RPTOR: variants seen among roughly 807,000 people sequenced by gnomAD.
The protein encoded by RPTOR is regulatory-associated protein of mTOR.
Under a neutral mutation model 169.9 loss-of-function variants are expected in RPTOR, and 21 were observed. That is an observed-to-expected ratio of 0.12 (90% CI 0.09 to 0.18). RPTOR has a LOEUF of 0.18. Among genes scored for constraint, RPTOR ranks in the 10% least tolerant of loss-of-function variants. The pLI is 1.00. For synonymous variants in RPTOR, 732 were observed against 753.2 expected, an observed-to-expected ratio of 0.97 and a Z score of 0.46; for missense variants, 1,133 against 1,855.9, an observed-to-expected ratio of 0.61 and a Z score of 7.16.
At chr17:80,570,103 A>C in intron 1 of RPTOR, among the ~76,000 whole-genome samples, 1 of 150,630 alleles carries the variant, frequency 6.6e-6, no homozygotes, top group East Asian at 2.0e-4. Context: ...ATGAACTCAG[A>C]CCTCTCTCTC....
chr17:80,775,141 C>A (rs1208762715), intron 6 of RPTOR, among the ~76,000 whole-genome samples: 2 of 152,244 alleles, frequency 1.3e-5, no homozygotes, highest in Non-Finnish European at 2.9e-5. Context: ...ACACCTGTTT[C>A]CTGCAGTGGA....
At position 80,903,034 on chromosome 17, in the gene RPTOR, G is replaced by C. The variant is rs8075013; in HGVS notation, c.2402-5777G>C. Among the ~76,000 whole-genome samples the C allele has an allele frequency of 4.0e-3, 615 of 152,350 alleles. 12 individuals carry two copies. Among genetic ancestry groups the C allele is most frequent in the African/African-American group, 0.014 (598 of 41,586 alleles). On this transcript the variant is annotated intron_variant, in intron 20 of 33. Coordinates refer to ENST00000306801, the MANE Select transcript of RPTOR (RefSeq NM_020761.3). ...TGGGCTAGATGGGACCAGTTTTCAC[G>C]ACTCTGCTAGATACGGTGACATTTT...
chr17:80,766,431 C>T (rs904893477), intron 6 of RPTOR, among the ~76,000 whole-genome samples: 1 of 152,140 alleles, frequency 6.6e-6, no homozygotes, highest in African/African-American at 2.4e-5. Context: ...CTCACTGCAT[C>T]CTTGAACTCC....
intron 10 of RPTOR, among the ~76,000 whole-genome samples, chr17:80,839,783 A>G (rs1337204549): frequency 5.3e-5 from 8 of 152,230 alleles, no homozygotes; most frequent in Non-Finnish European, 1.0e-4. Context: ...GATCAGAATA[A>G]TCTGCTCTTA....
chr17:80,800,686 G>T (rs577405804), intron 7 of RPTOR, among the ~76,000 whole-genome samples: 1 of 152,088 alleles, frequency 6.6e-6, no homozygotes, highest in Non-Finnish European at 1.5e-5. Context: ...AATAAGATCC[G>T]TGCCTGGAAA....
At position 80,591,232 on chromosome 17, in the gene RPTOR, C is replaced by A. The variant is rs1222055053; in HGVS notation, c.163-34459C>A. The stretch of plus-strand genomic sequence containing the variant: ...CTCCCCTCTCCTCCCCTCTCCTCCC[C>A]TCTCCTCCCCTCTCCTCCCCTCTCC... On this transcript the variant is annotated intron_variant, in intron 1 of 33. Coordinates refer to ENST00000306801, the MANE Select transcript of RPTOR (RefSeq NM_020761.3). 7.5e-4 allele frequency among the ~76,000 whole-genome samples: 37 copies of A among 49,622 alleles called. 1 individual carries two copies. Among genetic ancestry groups the A allele is most frequent in the African/African-American group, 2.5e-3 (29 of 11,546 alleles). The allele number at this position is 49,622 out of a possible 152,430, so 32.6% of individuals were successfully genotyped here.
At chr17:80,919,774 T>C (rs2068722841) in intron 21 of RPTOR, among the ~76,000 whole-genome samples, 1 of 152,206 alleles carries the variant, frequency 6.6e-6, no homozygotes, top group Admixed American at 6.5e-5. Context: ...CCACCGAAGG[T>C]TGGCTTGGGG....
Position 80,908,081 on chromosome 17 carries a change from G to A in RPTOR, c.2402-730G>A, listed in dbSNP as rs181851322. On this transcript the variant is annotated intron_variant, in intron 20 of 33. Transcript: ENST00000306801. ...TGTAGGATTGCTGGGGAATTAAATA[G>A]GACCGAGCAGCCGCACCGACGAATC... is the stretch of plus-strand genomic sequence containing the variant. Among the ~76,000 whole-genome samples, 43 of 152,332 alleles carry A rather than the reference G, an allele frequency of 2.8e-4. No homozygotes were observed. The East Asian group carries it at 6.9e-3, about 25-fold the overall frequency.
At chr17:80,632,010 T>C (rs941015397) in intron 2 of RPTOR, among the ~76,000 whole-genome samples, 4 of 152,202 alleles carry the variant, frequency 2.6e-5, no homozygotes, top group African/African-American at 7.2e-5. Flanking sequence ...TTTTCCTGCA[T>C]TATTTGGCTG....
chr17:80,575,783 C>G (rs1177960792), intron 1 of RPTOR, among the ~76,000 whole-genome samples: 1 of 152,130 alleles, frequency 6.6e-6, no homozygotes, highest in Non-Finnish European at 1.5e-5. Context: ...TTGACTGTTT[C>G]TATCAGTAAC....
rs2067908637 is a variant in RPTOR, at chr17:80,860,715, C to T, written c.1509+2815C>T. 6.6e-6 allele frequency among the ~76,000 whole-genome samples: 1 copy of T among 152,008 alleles called. No individual in the cohort carries two copies. The highest frequency in any genetic ancestry group is 2.1e-4 in the South Asian group (1 of 4,818). ...GATTCCCTGGGATTTTCTGCTAGTT[C>T]ACTGGTTCTTGTAGATTCCCTAGGA... On this transcript the variant is annotated intron_variant, in intron 13 of 33. Coordinates refer to ENST00000306801, the MANE Select transcript of RPTOR (RefSeq NM_020761.3). This position sits in a 1 kb window ranked among gnomAD's most constrained non-coding sequence, Gnocchi z 5.8.
intron 7 of RPTOR, among the ~76,000 whole-genome samples, chr17:80,814,412 G>C (rs2067303667): frequency 6.6e-6 from 1 of 151,902 alleles, no homozygotes; most frequent in Non-Finnish European, 1.5e-5. Context: ...TTTTGATTTT[G>C]TGCCCAAAGA....
At position 80,677,374 on chromosome 17, in the gene RPTOR, AG is replaced by A. The variant is rs1423895898; in HGVS notation, c.349-30465del. Among the ~76,000 whole-genome samples, 11 of 152,314 alleles carry A rather than the reference AG, an allele frequency of 7.2e-5. No individual in the cohort carries two copies. In the East Asian group the frequency reaches 2.1e-3, roughly 29 times the overall value. ...TTGCTCTCCACTCTGGAGACATTCT[AG>A]GTTTCATTTGAGAGGGATTTTGGCC... On this transcript the variant is annotated intron_variant, in intron 3 of 33. Transcript: ENST00000306801.
At chr17:80,884,020 C>A in intron 16 of RPTOR, 48 bp downstream of exon 16, 1 of 1,573,318 alleles carries the variant, frequency 6.4e-7, no homozygotes. Context: ...CTGCCGACTG[C>A]GGGGGTAAGG....
rs1371786734 is a variant in RPTOR, at chr17:80,700,671, T to C, written c.349-7170T>C. ...GTGATGGTAGAGATGATGGTGATGG[T>C]GATGATGGAGGTGGTGGTGATGGTG... On this transcript the variant is annotated intron_variant, in intron 3 of 33. Coordinates refer to ENST00000306801, the MANE Select transcript of RPTOR (RefSeq NM_020761.3). 1.5e-5 allele frequency among the ~76,000 whole-genome samples: 2 copies of C among 132,326 alleles called. 1 individual carries two copies. Among genetic ancestry groups the C allele is most frequent in the African/African-American group, 5.9e-5 (2 of 33,918 alleles). The allele number at this position is 132,326 out of a possible 152,430, so 86.8% of individuals were successfully genotyped here.
chr17:80,608,795 C>T (rs563450664), intron 1 of RPTOR, among the ~76,000 whole-genome samples: 1 of 152,238 alleles, frequency 6.6e-6, no homozygotes, highest in South Asian at 2.1e-4. Flanking sequence ...TCTTCAGAGT[C>T]CTTTGGTGTT....
At position 80,940,498 on chromosome 17, in the gene RPTOR, C is replaced by G; in HGVS notation, c.2922C>G (p.Ile974Met). The change falls in exon 25 of 34, where the codon ATC becomes ATG. Residue 974 changes from isoleucine to methionine, a missense_variant and splice_region_variant. By Grantham distance (10) the Ile-to-Met change is conservative (BLOSUM62 1). Coordinates refer to ENST00000306801, the MANE Select transcript of RPTOR (RefSeq NM_020761.3). ...ARYFAQPVMK[I>M]PEEHDLESQI... ...CTGGGTGTTTTCTGTTGTTGAAGAT[C>G]CCAGAAGAGCACGACCTGGAGAGTC... is the stretch of plus-strand genomic sequence containing the variant. 6.2e-7 allele frequency: 1 copy of G among 1,613,008 alleles called. No homozygotes were observed. The highest frequency in any genetic ancestry group is 1.7e-5 in the Admixed American group (1 of 59,904).
intron 3 of RPTOR, among the ~76,000 whole-genome samples, chr17:80,686,180 A>T (rs1167715772): frequency 6.9e-6 from 1 of 144,402 alleles, no homozygotes; most frequent in Non-Finnish European, 1.5e-5. Context: ...CCTGAGCTTC[A>T]TAACAACTTT....
At position 80,960,351 on chromosome 17, in the gene RPTOR, A is replaced by C. The variant is rs977258093; in HGVS notation, c.3605+146A>C. On this transcript the variant is annotated intron_variant, in intron 30 of 33. Transcript: ENST00000306801. The surrounding 1 kb of genome is among the most constrained non-coding windows in gnomAD (Gnocchi z 4.8). ...GAGCCTGCAGTGGCGTATTTAGGCC[A>C]GTCCTGGGCTCCCCAAAGCCGCCAG... is the stretch of plus-strand genomic sequence containing the variant. 2 of 1,139,436 alleles carry C rather than the reference A, an allele frequency of 1.8e-6. No individual in the cohort carries two copies. Among genetic ancestry groups the C allele is most frequent in the African/African-American group, 3.1e-5 (2 of 64,270 alleles). The allele number at this position is 1,139,436 out of a possible 1,614,324, so 70.6% of individuals were successfully genotyped here.
Sources: allele counts gnomAD v4.1 joint callset (sites outside exome capture counted in the v4.1 genomes callset), GRCh38; gene constraint gnomAD v4.1.1; non-coding constraint Gnocchi (gnomAD v3.1); transcripts MANE v1.5; gene names NCBI Gene and HGNC (gene_info 2026-07-23, HGNC 2026-07-21).